CNBD2: variants seen among roughly 807,000 people sequenced by gnomAD.
CNBD2 encodes the protein cyclic nucleotide binding domain containing 2, also known as cyclic nucleotide-binding domain-containing protein 2.
CNBD2 carries 64 observed loss-of-function variants against 63.7 expected under a neutral mutation model. The ratio of observed to expected loss-of-function variants is 1.00; its 90% CI spans 0.82 to 1.24. The LOEUF (loss-of-function observed/expected upper bound fraction) is 1.24, where lower values mean the gene tolerates loss of function less well. Among genes scored for constraint, CNBD2 ranks in the 50% most tolerant of loss-of-function variants. CNBD2 has a pLI of 0.00. For missense variants in CNBD2, 691 were observed against 713.5 expected (o/e 0.97, Z 0.36); for synonymous variants, 229 against 255.4 (o/e 0.90, Z 0.99).
At chr20:36,018,915 A>G (rs944406408) in intron 10 of CNBD2, among the ~76,000 whole-genome samples, 1 of 152,174 alleles carries the variant, frequency 6.6e-6, no homozygotes, top group African/African-American at 2.4e-5. Context: ...CATCTGGGTG[A>G]GCTGCCACCT....
intron 10 of CNBD2, among the ~76,000 whole-genome samples, chr20:36,014,809 T>A: frequency 6.6e-6 from 1 of 151,830 alleles, no homozygotes; most frequent in South Asian, 2.1e-4. Flanking sequence ...TTTTTTTTAT[T>A]TTTCGTTAGA....
At chr20:36,028,922 C>T (rs904172505) in intron 11 of CNBD2, among the ~76,000 whole-genome samples, 4 of 152,058 alleles carry the variant, frequency 2.6e-5, no homozygotes, top group Non-Finnish European at 5.9e-5. Context: ...GTCATCCACC[C>T]GCCTGGTCTC....
chr20:35,988,031 G>A (rs1434048755), intron 7 of CNBD2, among the ~76,000 whole-genome samples: 6 of 151,940 alleles, frequency 3.9e-5, no homozygotes, highest in Admixed American at 2.0e-4. Flanking sequence ...CACCATGCCC[G>A]GCTAATTTTT....
At chr20:35,979,450 G>T (rs1458293386) in intron 3 of CNBD2, among the ~76,000 whole-genome samples, 1 of 152,190 alleles carries the variant, frequency 6.6e-6, no homozygotes, top group Non-Finnish European at 1.5e-5. Flanking sequence ...TAGAAACAAG[G>T]TCTTGCTATG....
chr20:35,995,179 C>A, intron 8 of CNBD2, 27 bp downstream of exon 8: 1 of 1,506,628 alleles, frequency 6.6e-7, no homozygotes, highest in South Asian at 1.1e-5. Context: ...TGTCTGACAG[C>A]AGGGGGCGCC....
chr20:35,959,763 A>C (rs529416097), downstream of CNBD2, among the ~76,000 whole-genome samples: 20 of 152,198 alleles, frequency 1.3e-4, no homozygotes, highest in African/African-American at 4.3e-4. Context: ...TAGAGAGATT[A>C]ATTAACTTGC....
chr20:35,963,708 G>T (rs951203916), upstream of CNBD2, among the ~76,000 whole-genome samples: 2 of 152,074 alleles, frequency 1.3e-5, no homozygotes, highest in Admixed American at 6.5e-5. Context: ...TTTCCTAAAA[G>T]ATTATTCATA....
intron 8 of CNBD2, among the ~76,000 whole-genome samples, chr20:35,999,171 A>G (rs912037907): frequency 1.3e-5 from 2 of 152,108 alleles, no homozygotes; most frequent in African/African-American, 4.8e-5. Context: ...ATCTTTTTCC[A>G]TCCTTTTGTG....
chr20:36,023,815 C>T (rs1601107780), intron 11 of CNBD2, 44 bp downstream of exon 11: 1 of 1,473,098 alleles, frequency 6.8e-7, no homozygotes, highest in African/African-American at 1.4e-5. Flanking sequence ...GTGAAATGAA[C>T]AATTTTTCAC....
upstream of CNBD2, chr20:35,954,680 C>A (rs2056232605): frequency 8.4e-7 from 1 of 1,191,138 alleles, no homozygotes; most frequent in Non-Finnish European, 1.1e-6. Context: ...GAGGAGGAGT[C>A]GGAGGAGGAG....
rs2147242575 is a variant in CNBD2 at position 35,984,149 on chromosome 20, G to A, written c.564+11G>A. ...GGTAGCTGTTTTGGGGTAAGCCCAG[G>A]GGAAGGACCCAGTTTCCTGGGGTGG... On this transcript the variant is annotated intron_variant, in intron 5 of 11. Coordinates refer to ENST00000373973, the MANE Select transcript of CNBD2 (RefSeq NM_001365709.1). 6.3e-7 allele frequency: 1 copy of A among 1,586,190 alleles called. No homozygotes were observed.
chr20:35,970,403 A>G (rs192098401), intron 1 of CNBD2, among the ~76,000 whole-genome samples: 2 of 151,734 alleles, frequency 1.3e-5, no homozygotes, highest in African/African-American at 4.8e-5. Flanking sequence ...GTTTGTTTTT[A>G]TTTATTTTTT....
At chr20:35,974,382 C>T (rs533870064) in intron 2 of CNBD2, 2 of 153,800 alleles carry the variant, frequency 1.3e-5, no homozygotes, top group South Asian at 4.2e-4. Context: ...GCTTTGGTTA[C>T]CAGAAGACGT....
intron 2 of CNBD2, among the ~76,000 whole-genome samples, chr20:35,961,216 C>T (rs2056307046): frequency 6.6e-6 from 1 of 152,234 alleles, no homozygotes; most frequent in Non-Finnish European, 1.5e-5. Flanking sequence ...CAGGCGTGAG[C>T]CACCACGCCC....
chr20:35,954,708 A>G (rs2056232950), exon 1 of CNBD2: 1 of 1,020,796 alleles, frequency 9.8e-7, no homozygotes, highest in East Asian at 5.9e-5. Flanking sequence ...GTTTGGAGAT[A>G]GACTTCAAGT....
intron 3 of CNBD2, among the ~76,000 whole-genome samples, chr20:35,978,228 T>C (rs2056547064): frequency 6.6e-6 from 1 of 152,172 alleles, no homozygotes; most frequent in Non-Finnish European, 1.5e-5. Flanking sequence ...CAGGCTGAAG[T>C]GCAGTGATGC....
Position 35,987,365 on chromosome 20 carries a change from T to C in CNBD2, c.717-30T>C, listed in dbSNP as rs1382605552. 12 of 1,613,082 alleles carry C rather than the reference T, an allele frequency of 7.4e-6. No homozygotes were observed. In the East Asian group the frequency reaches 1.1e-4, roughly 15 times the overall value. On this transcript the variant is annotated intron_variant, in intron 6 of 11. Coordinates refer to ENST00000373973, the MANE Select transcript of CNBD2 (RefSeq NM_001365709.1). ...GGTCTGGGCACCTTGTGTGATGGAG[T>C]TGATGAATTCTAACAGGCTCTTCCC...
intron 11 of CNBD2, among the ~76,000 whole-genome samples, chr20:36,027,159 A>G (rs2057291644): frequency 6.6e-6 from 1 of 152,196 alleles, no homozygotes; most frequent in African/African-American, 2.4e-5. Flanking sequence ...CTTTATTGTC[A>G]TACTCTGTTT....
chr20:35,973,775 A>T (rs960977665), intron 2 of CNBD2: 2 of 152,134 alleles, frequency 1.3e-5, no homozygotes, highest in Non-Finnish European at 2.9e-5. Context: ...GTGGTAGATC[A>T]TGTGCCCTTC....
Sources: gnomAD v4.1 joint callset for allele counts (sites outside exome capture counted in the v4.1 genomes callset) on GRCh38, gnomAD v4.1.1 for gene constraint, MANE v1.5 for transcripts, NCBI Gene and HGNC (gene_info 2026-07-23, HGNC 2026-07-21) for gene names.